Variants in PRPSAP2 observed in about 807,000 individuals in gnomAD.
PRPSAP2 encodes phosphoribosyl pyrophosphate synthase-associated protein 2.
PRPSAP2 carries 24 observed loss-of-function variants against 40.6 expected under a neutral mutation model. That is an observed-to-expected ratio of 0.59 (90% confidence interval 0.43 to 0.83). PRPSAP2 has a LOEUF of 0.83. Ranked by LOEUF, PRPSAP2 falls within the 40% of genes least tolerant of loss-of-function variation. The probability of loss-of-function intolerance (pLI) is 0.00; values close to 1 mark genes in which losing one functional copy is unlikely to be tolerated. For missense variants in PRPSAP2, 292 were observed against 465.6 expected, an observed-to-expected ratio of 0.63 and a Z score of 3.43; for synonymous variants, 149 against 164.7, an observed-to-expected ratio of 0.90 and a Z score of 0.73.
Position 18,894,346 on chromosome 17 carries a change from A to T in PRPSAP2, c.584+4469A>T, listed in dbSNP as rs545212483. Among the ~76,000 whole-genome samples, 137 of 151,970 alleles carry T rather than the reference A, an allele frequency of 9.0e-4. 1 individual carries two copies. The highest frequency in any genetic ancestry group is 1.6e-3 in the Non-Finnish European group (112 of 67,984). On this transcript the variant is annotated intron_variant, in intron 8 of 11. Transcript: ENST00000268835. Reference sequence around the variant, plus strand: ...ATCTAATTTTGTATTTTTAGTAGAGATGGGGTTTCTCCATGTTGGTCAGGC... The same window carrying T: ...ATCTAATTTTGTATTTTTAGTAGAGTTGGGGTTTCTCCATGTTGGTCAGGC...
intron 8 of PRPSAP2, among the ~76,000 whole-genome samples, chr17:18,893,029 A>G (rs940963524): frequency 1.3e-5 from 2 of 152,156 alleles, no homozygotes; most frequent in African/African-American, 4.8e-5. Flanking sequence ...TATATTCTAC[A>G]TACTAAACCT....
intron 5 of PRPSAP2, among the ~76,000 whole-genome samples, chr17:18,875,817 A>G (rs7220661): frequency 0.53 from 78,188 of 147,966 alleles, 20,914 homozygotes; most frequent in Middle Eastern, 0.6. Context: ...TGGCGCCACT[A>G]TACTCCAGGC....
intron 10 of PRPSAP2, among the ~76,000 whole-genome samples, chr17:18,924,946 C>A (rs1284033369): frequency 2.6e-5 from 4 of 152,102 alleles, no homozygotes; most frequent in Non-Finnish European, 4.4e-5. Context: ...ATGGTGAAAC[C>A]CCATCTCTAC....
chr17:18,881,997 C>T (rs1414342157), intron 6 of PRPSAP2, among the ~76,000 whole-genome samples: 5 of 151,704 alleles, frequency 3.3e-5, no homozygotes, highest in African/African-American at 7.2e-5. Context: ...CACGCCACCA[C>T]GCCCAGCTAA....
In PRPSAP2 at chr17:18,892,727, G is replaced by GTGTGTGTGTGTGTGTGTGTGTGTT. The variant is rs60288281; in HGVS notation, c.584+2851_584+2852insGTGTGTGTGTGTGTGTGTGTGTTT. Reference sequence around the variant, plus strand: ...TGTGTGTGTGTGTGTGTGTGTGTGTGTATTTATTTATTTATTTATTTTTTT... The same window carrying GTGTGTGTGTGTGTGTGTGTGTGTT: ...TGTGTGTGTGTGTGTGTGTGTGTGTGTGTGTGTGTGTGTGTGTGTGTGTTTATTTATTTATTTATTTATTTTTTT... On this transcript the variant is annotated intron_variant, in intron 8 of 11. Coordinates refer to ENST00000268835, the MANE Select transcript of PRPSAP2 (RefSeq NM_002767.4). Among the ~76,000 whole-genome samples, 7 of 126,624 alleles carry GTGTGTGTGTGTGTGTGTGTGTGTT rather than the reference G, an allele frequency of 5.5e-5. 1 individual carries two copies. The highest frequency in any genetic ancestry group is 2.2e-4 in the East Asian group (1 of 4,548). The allele number at this position is 126,624 out of a possible 152,430, so 83.1% of individuals were successfully genotyped here.
chr17:18,863,652 C>G (rs1020039460), intron 1 of PRPSAP2, among the ~76,000 whole-genome samples: 3 of 151,994 alleles, frequency 2.0e-5, no homozygotes, highest in African/African-American at 7.3e-5. Context: ...TCTGCCTCAG[C>G]CTCCCGATTA....
chr17:18,868,636 C>T, intron 4 of PRPSAP2, among the ~76,000 whole-genome samples: 1 of 151,946 alleles, frequency 6.6e-6, no homozygotes, highest in Non-Finnish European at 1.5e-5. Context: ...AGTGGGATAA[C>T]TTGTGTGCCT....
chr17:18,928,761 A>G (rs780158912), intron 10 of PRPSAP2, 50 bp from the exon 11 acceptor site: 32 of 1,605,146 alleles, frequency 2.0e-5, no homozygotes, highest in Non-Finnish European at 2.7e-5. Flanking sequence ...TGTCTAACCT[A>G]TTATTGTAGA....
intron 5 of PRPSAP2, among the ~76,000 whole-genome samples, chr17:18,874,741 C>T (rs1597561637): frequency 6.6e-6 from 1 of 152,250 alleles, no homozygotes; most frequent in Non-Finnish European, 1.5e-5. Context: ...CCCTTTCCCA[C>T]GTCTGCCACC....
intron 5 of PRPSAP2, among the ~76,000 whole-genome samples, chr17:18,876,855 T>TA (rs1232816070): frequency 6.6e-6 from 1 of 152,136 alleles, no homozygotes. Context: ...GCAAGCCCCT[T>TA]AGCGGTGTGA....
In PRPSAP2 at chr17:18,867,295, G is replaced by A. The variant is rs1383594880; in HGVS notation, c.133G>A (p.Glu45Lys). 7 of 1,613,908 alleles carry A rather than the reference G, an allele frequency of 4.3e-6. No individual in the cohort carries two copies. Among genetic ancestry groups the A allele is most frequent in the Non-Finnish European group, 5.9e-6 (7 of 1,180,020 alleles). ...TCTCTTCTCTAGGCGGCTAGGGGTGGAGATGGGCAAAGTGCAGGTTTACCA... is the reference window on the plus strand; with the variant it reads ...TCTCTTCTCTAGGCGGCTAGGGGTGAAGATGGGCAAAGTGCAGGTTTACCA... ...SKKIAERLGV[E>K]MGKVQVYQEP... The change falls in exon 4 of 12, where the codon GAG (glutamate) becomes AAG (lysine). Residue 45 changes from glutamate to lysine, a missense_variant. Around this residue, in one of 2 missense-constraint regions of PRPSAP2, gnomAD observed 241 missense variants for 425.7 expected, o/e 0.57. Coordinates refer to ENST00000268835, the MANE Select transcript of PRPSAP2 (RefSeq NM_002767.4).
chr17:18,887,715 G>A (rs2039266068), intron 7 of PRPSAP2, among the ~76,000 whole-genome samples: 2 of 152,022 alleles, frequency 1.3e-5, no homozygotes, highest in African/African-American at 2.4e-5. Context: ...ATCTTCCCTG[G>A]TTTGTTCTTA....
intron 8 of PRPSAP2, among the ~76,000 whole-genome samples, chr17:18,909,183 T>C (rs1427476890): frequency 1.3e-5 from 2 of 151,632 alleles, no homozygotes; most frequent in Non-Finnish European, 2.9e-5. Flanking sequence ...ACTGGATCTC[T>C]CATGTTCTGC....
chr17:18,892,860 G>A (rs1020093964), intron 8 of PRPSAP2, among the ~76,000 whole-genome samples: 2 of 151,666 alleles, frequency 1.3e-5, no homozygotes, highest in Non-Finnish European at 2.9e-5. Context: ...TCAGCCTCCT[G>A]AGTAGCTGGG....
chr17:18,922,554 T>C (rs1441158201), intron 9 of PRPSAP2, among the ~76,000 whole-genome samples: 1 of 152,136 alleles, frequency 6.6e-6, no homozygotes, highest in African/African-American at 2.4e-5. Context: ...ATATCTTCTT[T>C]GGAGAAATAT....
intron 6 of PRPSAP2, among the ~76,000 whole-genome samples, chr17:18,879,117 G>C (rs2038525130): frequency 6.6e-6 from 1 of 152,072 alleles, no homozygotes; most frequent in African/African-American, 2.4e-5. Flanking sequence ...TGATCCACCT[G>C]CTTTGGGCTC....
chr17:18,901,327 G>A (rs894017767), intron 8 of PRPSAP2, among the ~76,000 whole-genome samples: 24 of 152,056 alleles, frequency 1.6e-4, no homozygotes, highest in Admixed American at 5.9e-4. Flanking sequence ...CCACCGTGAC[G>A]TTGCTCAGGT....
intron 8 of PRPSAP2, among the ~76,000 whole-genome samples, chr17:18,899,312 C>T (rs1416615959): frequency 6.6e-6 from 1 of 151,970 alleles, no homozygotes; most frequent in African/African-American, 2.4e-5. Context: ...TCTTGAACCC[C>T]TGGGCTCAAG....
At chr17:18,923,241 T>C (rs2428364) in intron 9 of PRPSAP2, among the ~76,000 whole-genome samples, 148,369 of 148,382 alleles carry the variant, frequency 1, 74,178 homozygotes, top group Non-Finnish European at 1. Flanking sequence ...AGGCGCCCAC[T>C]AGCACACTTG....
Sources: allele counts gnomAD v4.1 joint callset (sites outside exome capture counted in the v4.1 genomes callset), GRCh38; gene constraint gnomAD v4.1.1; regional missense constraint gnomAD v4.1.1; transcripts MANE v1.5; gene names NCBI Gene and HGNC (gene_info 2026-07-23, HGNC 2026-07-21).